The following ATG2B variants were observed in gnomAD, a reference collection of about 807,000 sequenced individuals.
ATG2B encodes autophagy related 2B.
Under a neutral mutation model 241.3 loss-of-function variants are expected in ATG2B, and 121 were observed. That is an observed-to-expected ratio of 0.50 (90% confidence interval 0.43 to 0.58). The LOEUF (loss-of-function observed/expected upper bound fraction) is 0.58, where lower values mean the gene tolerates loss of function less well. Ranked by LOEUF, ATG2B falls within the 20% of genes least tolerant of loss-of-function variation. ATG2B has a pLI of 0.00. For missense variants in ATG2B, 2,306 were observed against 2,491.6 expected (o/e 0.93, Z 1.59); for synonymous variants, 858 against 876.6 (o/e 0.98, Z 0.37).
intron 18 of ATG2B, among the ~76,000 whole-genome samples, chr14:96,319,573 T>G (rs1021145785): frequency 2.0e-5 from 3 of 152,174 alleles, no homozygotes; most frequent in Non-Finnish European, 4.4e-5. Flanking sequence ...TTATAACTCC[T>G]GCTCAGAAAA....
intron 41 of ATG2B, among the ~76,000 whole-genome samples, chr14:96,288,572 T>C (rs1886399527): frequency 1.3e-5 from 2 of 152,142 alleles, no homozygotes; most frequent in Non-Finnish European, 2.9e-5. Flanking sequence ...CACTAATACA[T>C]TTCTTGGGGC....
At position 96,341,685 on chromosome 14, in the gene ATG2B, A is replaced by G. The variant is rs367766071; in HGVS notation, c.761T>C (p.Leu254Pro). 6.3e-7 allele frequency: 1 copy of G among 1,579,100 alleles called. No homozygotes were observed. Among genetic ancestry groups the G allele is most frequent in the Non-Finnish European group, 8.6e-7 (1 of 1,161,060 alleles). The change falls in exon 6 of 42, where the codon CTC (leucine) becomes CCC (proline). Residue 254 changes from leucine (L) to proline (P), a missense_variant. Transcript: ENST00000359933. Reference sequence around the variant, plus strand: ...AATTTTGGGGTTCCAGCTAGGTGAGAGCTTTGGCTCAGTTTCCTACAATAA... The same window carrying G: ...AATTTTGGGGTTCCAGCTAGGTGAGGGCTTTGGCTCAGTTTCCTACAATAA... ...STAPVETEPK[L>P]SPSWNPKIIY...
In ATG2B at chr14:96,340,087, A is replaced by AATATATATATC. The variant is rs1362017978; in HGVS notation, c.924+1434_924+1435insGATATATATAT. 5.8e-3 allele frequency among the ~76,000 whole-genome samples: 709 copies of AATATATATATC among 121,800 alleles called. 132 individuals carry two copies. Among genetic ancestry groups the AATATATATATC allele is most frequent in the Non-Finnish European group, 0.01 (558 of 53,728 alleles). The allele number at this position is 121,800 out of a possible 152,430, so 79.9% of individuals were successfully genotyped here. On this transcript the variant is annotated intron_variant, in intron 6 of 41. Transcript: ENST00000359933. The stretch of plus-strand genomic sequence containing the variant: ...TGCTATATGTGATATGATATATATG[A>AATATATATATC]ATATATGCTATATAGAATATATGAT...
chr14:96,302,272 T>G (rs1886813729), intron 33 of ATG2B, among the ~76,000 whole-genome samples, 164 bp from the exon 34 acceptor site: 1 of 152,150 alleles, frequency 6.6e-6, no homozygotes, highest in Non-Finnish European at 1.5e-5. Flanking sequence ...CATTTTTGGG[T>G]CACATGCCCC....
intron 29 of ATG2B, among the ~76,000 whole-genome samples, chr14:96,308,189 T>A (rs1171742746): frequency 4.4e-5 from 6 of 134,838 alleles, no homozygotes; most frequent in African/African-American, 1.1e-4. Context: ...AATACATAAA[T>A]ATATATATAC....
chr14:96,343,994 G>A (rs1341501672), intron 4 of ATG2B, among the ~76,000 whole-genome samples: 1 of 152,188 alleles, frequency 6.6e-6, no homozygotes, highest in Non-Finnish European at 1.5e-5. Context: ...CAGTGTACAC[G>A]CTTCATCCTG....
chr14:96,292,214 T>A, intron 36 of ATG2B, 116 bp from the exon 37 acceptor site: 1 of 586,510 alleles, frequency 1.7e-6, no homozygotes, highest in Non-Finnish European at 3.0e-6. Flanking sequence ...ATAAATCATA[T>A]AAATATCTTA....
chr14:96,325,016 A>G (rs1887553703), intron 15 of ATG2B, among the ~76,000 whole-genome samples: 1 of 152,200 alleles, frequency 6.6e-6, no homozygotes, highest in South Asian at 2.1e-4. Context: ...TAAAGTTTTT[A>G]TAAATTCCCT....
chr14:96,312,226 T>C, intron 25 of ATG2B, 67 bp from the exon 26 acceptor site: 1 of 1,051,728 alleles, frequency 9.5e-7, no homozygotes, highest in Non-Finnish European at 1.4e-6. Flanking sequence ...CCATAATCAC[T>C]ATATGCTTAA....
At chr14:96,300,074 T>C (rs1341240819) in intron 34 of ATG2B, among the ~76,000 whole-genome samples, 1 of 152,232 alleles carries the variant, frequency 6.6e-6, no homozygotes, top group Non-Finnish European at 1.5e-5. Context: ...CTAGCTTTTA[T>C]GTCTTAATGA....
intron 6 of ATG2B, among the ~76,000 whole-genome samples, chr14:96,335,860 A>G (rs747357674): frequency 5.3e-5 from 8 of 152,194 alleles, no homozygotes; most frequent in Non-Finnish European, 1.2e-4. Context: ...CAAGAGTTTC[A>G]TTTCTAATTC....
chr14:96,362,081 G>A (rs941953055), intron 1 of ATG2B, among the ~76,000 whole-genome samples: 1 of 152,072 alleles, frequency 6.6e-6, no homozygotes, highest in African/African-American at 2.4e-5. Flanking sequence ...AGCAATGAGT[G>A]AATTCACAGC....
In ATG2B at chr14:96,287,219, A is replaced by C. The variant is rs1237897680; in HGVS notation, c.6007-1234T>G. On this transcript the variant is annotated intron_variant, in intron 41 of 41. Transcript: ENST00000359933. The stretch of plus-strand genomic sequence containing the variant: ...CAGAGAGCCGAGATCATGCCACTGC[A>C]CTCCAGCCTGGGCAACAGAGCGAGA... Among the ~76,000 whole-genome samples the C allele has an allele frequency of 3.9e-5, 5 of 129,464 alleles. No homozygotes were observed. The Admixed American group carries it at 4.9e-4, about 13-fold the overall frequency. The allele number at this position is 129,464 out of a possible 152,430, so 84.9% of individuals were successfully genotyped here. A position where few individuals can be genotyped will look rare whatever the true frequency, so the allele number is the denominator to read the frequency against.
intron 29 of ATG2B, among the ~76,000 whole-genome samples, chr14:96,307,688 G>C (rs1463179891): frequency 6.6e-6 from 1 of 151,932 alleles, no homozygotes; most frequent in Non-Finnish European, 1.5e-5. Flanking sequence ...GGGAGGGAAG[G>C]GGAAGGGGAG....
At chr14:96,304,901 T>A (rs1304476575) in intron 31 of ATG2B, among the ~76,000 whole-genome samples, 1 of 152,166 alleles carries the variant, frequency 6.6e-6, no homozygotes, top group Non-Finnish European at 1.5e-5. Flanking sequence ...AAATGAGACC[T>A]CCTTATAAGC....
intron 1 of ATG2B, among the ~76,000 whole-genome samples, chr14:96,350,112 T>C (rs1189786748): frequency 6.6e-6 from 1 of 152,066 alleles, no homozygotes; most frequent in Non-Finnish European, 1.5e-5. Flanking sequence ...GCCAAGACTG[T>C]GCCCCTATAC....
chr14:96,328,709 G>A lies in ATG2B; in HGVS notation c.1939C>T (p.Leu647Phe), dbSNP rs1289150232. 6.2e-7 allele frequency: 1 copy of A among 1,610,956 alleles called. No individual in the cohort carries two copies. The highest frequency in any genetic ancestry group is 8.5e-7 in the Non-Finnish European group (1 of 1,178,688). ...TGSHSPVCLQ[L>F]HYKHSENRGP... is the part of the protein sequence containing the mutation. Reference sequence around the variant, plus strand: ...CTATTCTCAGAATGCTTATAATGAAGCTGAAGACACACAGGGGAATGGGAA... The same window carrying A: ...CTATTCTCAGAATGCTTATAATGAAACTGAAGACACACAGGGGAATGGGAA... The change falls in exon 13 of 42, where the codon CTT becomes TTT. Residue 647 changes from leucine to phenylalanine, a missense_variant. Leu to Phe is a conservative substitution (Grantham distance 22, BLOSUM62 0). Transcript: ENST00000359933.
chr14:96,309,732 G>A, intron 28 of ATG2B, 138 bp from the exon 29 acceptor site: 1 of 802,214 alleles, frequency 1.2e-6, no homozygotes, highest in Non-Finnish European at 1.8e-6. Context: ...TCTATGCCCA[G>A]CAGCTGTTAT....
rs1184202657 is a variant in ATG2B, at chr14:96,322,813, C to T, written c.2541-78G>A. ...ACTTTAACTTTTGTGCAAATTAATA[C>T]ACACACCACTGGTTAAATCTTAATG... is the stretch of plus-strand genomic sequence containing the variant. On this transcript the variant is annotated intron_variant, in intron 16 of 41. Coordinates refer to ENST00000359933, the MANE Select transcript of ATG2B (RefSeq NM_018036.7). 3.5e-6 allele frequency: 4 copies of T among 1,134,216 alleles called. No homozygotes were observed. In the African/African-American group the frequency reaches 4.7e-5, roughly 13 times the overall value. The allele number at this position is 1,134,216 out of a possible 1,614,324, so 70.3% of individuals were successfully genotyped here.
Sources: gnomAD v4.1 joint callset for allele counts (sites outside exome capture counted in the v4.1 genomes callset) on GRCh38, gnomAD v4.1.1 for gene constraint, MANE v1.5 for transcripts, NCBI Gene and HGNC (gene_info 2026-07-23, HGNC 2026-07-21) for gene names.